RABGEF1: variants seen among roughly 807,000 people sequenced by gnomAD.
RABGEF1 encodes RAB guanine nucleotide exchange factor 1.
RABGEF1 carries 26 observed loss-of-function variants against 57.3 expected under a neutral mutation model. That is an observed-to-expected ratio of 0.45 (90% CI 0.33 to 0.63). The LOEUF (loss-of-function observed/expected upper bound fraction) is 0.63. RABGEF1 is among the 20% of genes least tolerant of loss of function. RABGEF1 has a pLI of 0.02. For synonymous variants in RABGEF1, 185 were observed against 210.7 expected (o/e 0.88, Z 1.06); for missense variants, 464 against 607.6 (o/e 0.76, Z 2.48).
chr7:66,692,862 G>A (rs1791731710), intron 1 of RABGEF1, among the ~76,000 whole-genome samples: 1 of 152,214 alleles, frequency 6.6e-6, no homozygotes, highest in African/African-American at 2.4e-5. Flanking sequence ...TGAGAAGTCA[G>A]CTGGCTCCTG....
At chr7:66,657,586 T>A in the RABGEF1 span, among the ~76,000 whole-genome samples, 2 of 152,208 alleles carry the variant, frequency 1.3e-5, no homozygotes, top group African/African-American at 4.8e-5. Context: ...TTTGGGAGGC[T>A]GAAGCGGGAG....
intron 7 of RABGEF1, among the ~76,000 whole-genome samples, chr7:66,802,733 T>G (rs980615369): frequency 3.9e-5 from 6 of 152,312 alleles, no homozygotes; most frequent in African/African-American, 1.4e-4. Flanking sequence ...AAGAGATCCC[T>G]GGGGGTGTTT....
intron 1 of RABGEF1, among the ~76,000 whole-genome samples, chr7:66,710,450 A>G (rs1218645698): frequency 1.3e-5 from 2 of 152,240 alleles, no homozygotes; most frequent in Non-Finnish European, 2.9e-5. Context: ...ATCTTTTAAG[A>G]AACTGCTAAA....
intron 1 of RABGEF1, among the ~76,000 whole-genome samples, chr7:66,767,097 G>A (rs1295053366): frequency 6.8e-6 from 1 of 148,014 alleles, no homozygotes; most frequent in African/African-American, 2.5e-5. Context: ...CCATCTCCCC[G>A]GTTCATGCGA....
chr7:66,755,922 G>A (rs1185020619), intron 1 of RABGEF1: 5 of 602,762 alleles, frequency 8.3e-6, no homozygotes, highest in Non-Finnish European at 1.3e-5. Context: ...GACAAATAAT[G>A]TTTTGTTATA....
chr7:66,772,110 G>C, intron 2 of RABGEF1, 32 bp downstream of exon 2: 1 of 1,416,736 alleles, frequency 7.1e-7, no homozygotes, highest in Non-Finnish European at 9.4e-7. Flanking sequence ...CGGTTGAACA[G>C]TGACGTGACT....
intron 1 of RABGEF1, among the ~76,000 whole-genome samples, chr7:66,744,371 A>G (rs1167772094): frequency 6.8e-6 from 1 of 147,132 alleles, no homozygotes; most frequent in African/African-American, 2.5e-5. Context: ...CATCTCTACA[A>G]AAAAAAAAAA....
chr7:66,803,841 A>G (rs904858957), intron 7 of RABGEF1, among the ~76,000 whole-genome samples: 1 of 151,610 alleles, frequency 6.6e-6, no homozygotes, highest in African/African-American at 2.4e-5. Flanking sequence ...GTGAGCCGAG[A>G]TCGTGCCACT....
intron 2 of RABGEF1, among the ~76,000 whole-genome samples, chr7:66,712,971 C>T (rs1403234520): frequency 1.3e-5 from 2 of 151,740 alleles, no homozygotes; most frequent in South Asian, 2.1e-4. Context: ...TGCCACTACA[C>T]TTGGCTAATT....
intron 1 of RABGEF1, among the ~76,000 whole-genome samples, chr7:66,748,194 A>G (rs1270310948): frequency 2.0e-5 from 3 of 152,178 alleles, no homozygotes; most frequent in Non-Finnish European, 4.4e-5. Flanking sequence ...AAAACTCCTT[A>G]TTGGCTTTTT....
At chr7:66,805,575 C>T (rs1788253713) in intron 8 of RABGEF1, among the ~76,000 whole-genome samples, 179 bp downstream of exon 8, 1 of 152,196 alleles carries the variant, frequency 6.6e-6, no homozygotes. Context: ...CACTCCGCCT[C>T]CCAGCACTTG....
At position 66,712,790 on chromosome 7, in the gene RABGEF1, T is replaced by G. The variant is rs1794920437; in HGVS notation, c.-815+566T>G. 2.0e-5 allele frequency among the ~76,000 whole-genome samples: 3 copies of G among 151,642 alleles called. No individual in the cohort carries two copies. The South Asian group carries it at 6.2e-4, about 32-fold the overall frequency. On this transcript the variant is annotated intron_variant and NMD_transcript_variant, in intron 2 of 9. Coordinates refer to the RABGEF1 transcript ENST00000607882. ...ACCCAGCCTCTTTCTGAAGATTTCT[T>G]GAGATTTTTCTTTTTCTTTTTCATT...
At chr7:66,683,157 T>C (rs1315537123) in intron 1 of RABGEF1, among the ~76,000 whole-genome samples, 1 of 152,182 alleles carries the variant, frequency 6.6e-6, no homozygotes, top group African/African-American at 2.4e-5. Context: ...CTTATTATTT[T>C]TTTCGAGATG....
chr7:66,735,365 C>A (rs528731719), intron 2 of RABGEF1, among the ~76,000 whole-genome samples: 2 of 152,296 alleles, frequency 1.3e-5, no homozygotes, highest in African/African-American at 4.8e-5. Flanking sequence ...GACTTTATAG[C>A]ATAGTAGTTT....
chr7:66,656,095 C>A, the RABGEF1 span, among the ~76,000 whole-genome samples: 1 of 152,000 alleles, frequency 6.6e-6, no homozygotes, highest in African/African-American at 2.4e-5. Context: ...GGAGAGGAGG[C>A]CAGTAACTAC....
the RABGEF1 span, among the ~76,000 whole-genome samples, chr7:66,675,378 C>G: frequency 6.6e-6 from 1 of 151,302 alleles, no homozygotes; most frequent in East Asian, 1.9e-4. Context: ...TGCAGTGAGC[C>G]AAGATCACAC....
chr7:66,689,815 A>G (rs927405927), intron 1 of RABGEF1, among the ~76,000 whole-genome samples: 8 of 152,018 alleles, frequency 5.3e-5, no homozygotes, highest in Non-Finnish European at 1.0e-4. Context: ...AAAAAAAAAA[A>G]AGAAAATAGG....
At chr7:66,801,605 A>G (rs1162853663) in intron 7 of RABGEF1, among the ~76,000 whole-genome samples, 1 of 152,088 alleles carries the variant, frequency 6.6e-6, no homozygotes, top group Non-Finnish European at 1.5e-5. Context: ...TTAAGTGTTT[A>G]GCTCCCACCA....
At chr7:66,676,778 C>G in the RABGEF1 span, among the ~76,000 whole-genome samples, 1 of 152,202 alleles carries the variant, frequency 6.6e-6, no homozygotes, top group South Asian at 2.1e-4. Flanking sequence ...GGAGGGGGTT[C>G]TCACTATGTT....
Sources: allele counts gnomAD v4.1 joint callset (sites outside exome capture counted in the v4.1 genomes callset), GRCh38; gene constraint gnomAD v4.1.1; transcripts MANE v1.5; gene names NCBI Gene and HGNC (gene_info 2026-07-23, HGNC 2026-07-21).